STARD13: variants seen among roughly 807,000 people sequenced by gnomAD.
STARD13 encodes the protein StAR related lipid transfer domain containing 13, also known as stAR-related lipid transfer protein 13.
A neutral mutation model predicts 106.4 loss-of-function variants in STARD13; 62 were observed. The observed-to-expected ratio is 0.58, with a 90% CI of 0.48 to 0.72. The LOEUF (loss-of-function observed/expected upper bound fraction) is 0.72. Among genes scored for constraint, STARD13 ranks in the 30% least tolerant of loss-of-function variants. The probability of loss-of-function intolerance (pLI) is 0.00; values close to 1 mark genes in which losing one functional copy is unlikely to be tolerated. For missense variants in STARD13, 1,387 were observed against 1,424.0 expected (o/e 0.97, Z 0.42); for synonymous variants, 565 against 553.0 (o/e 1.02, Z -0.31).
chr13:33,112,926 A>G lies in STARD13; in HGVS notation c.2287T>C (p.Ser763Pro). 6.2e-7 allele frequency: 1 copy of G among 1,605,192 alleles called. No homozygotes were observed. Among genetic ancestry groups the G allele is most frequent in the Non-Finnish European group, 8.5e-7 (1 of 1,176,318 alleles). ...ETFLHIYQYV[S>P]KEQRLQAVQA... Reference sequence around the variant, plus strand: ...ACGGCCTGCAGCCGCTGCTCTTTGGAGACATCTGAGGAAAAGTGGATGCCA... The same window carrying G: ...ACGGCCTGCAGCCGCTGCTCTTTGGGGACATCTGAGGAAAAGTGGATGCCA... The change falls in exon 9 of 14, where the codon TCC becomes CCC. Residue 763 changes from serine to proline, a missense_variant. Ser to Pro is a moderately conservative substitution (Grantham distance 74). Transcript: ENST00000336934.
chr13:33,346,224 C>A (rs371588688), downstream of STARD13, among the ~76,000 whole-genome samples: 187 of 152,318 alleles, frequency 1.2e-3, 2 homozygotes, highest in African/African-American at 4.0e-3. Context: ...CCATCAGACC[C>A]AGTCAAGCCT....
intron 1 of STARD13, among the ~76,000 whole-genome samples, chr13:33,178,455 T>G (rs1884926625): frequency 6.6e-6 from 1 of 152,212 alleles, no homozygotes; most frequent in African/African-American, 2.4e-5. Flanking sequence ...GGTTGACATT[T>G]CTCATGTTAT....
the STARD13 span, among the ~76,000 whole-genome samples, chr13:33,538,049 C>A: frequency 2.0e-5 from 3 of 151,864 alleles, no homozygotes; most frequent in Non-Finnish European, 2.9e-5. Context: ...TGTTTAGAAA[C>A]AAAAAGTATT....
chr13:33,573,114 T>C, the STARD13 span, among the ~76,000 whole-genome samples: 3 of 152,106 alleles, frequency 2.0e-5, no homozygotes, highest in Non-Finnish European at 4.4e-5. Flanking sequence ...GTGATGTGGG[T>C]TCCTTCCCTA....
Position 33,141,238 on chromosome 13 carries a change from C to A in STARD13, c.387+1072G>T, listed in dbSNP as rs148763894. Among the ~76,000 whole-genome samples the A allele has an allele frequency of 1.1e-3, 170 of 152,282 alleles. 1 individual carries two copies. Among genetic ancestry groups the A allele is most frequent in the African/African-American group, 3.8e-3 (156 of 41,548 alleles). ...GGCTGTACAGCACTTTGGCTAGGAGCCTTGGTTTTGGAATCAGACACCTCC... is the reference window on the plus strand; with the variant it reads ...GGCTGTACAGCACTTTGGCTAGGAGACTTGGTTTTGGAATCAGACACCTCC... On this transcript the variant is annotated intron_variant, in intron 4 of 13. Coordinates refer to ENST00000336934, the MANE Select transcript of STARD13 (RefSeq NM_178006.4).
At chr13:33,626,201 T>C in the STARD13 span, among the ~76,000 whole-genome samples, 1 of 152,122 alleles carries the variant, frequency 6.6e-6, no homozygotes, top group East Asian at 1.9e-4. Flanking sequence ...CTGTGACCCC[T>C]TCAAAGACAG....
intron 3 of STARD13, among the ~76,000 whole-genome samples, chr13:33,154,335 T>C (rs1052703298): frequency 2.6e-5 from 4 of 152,190 alleles, no homozygotes; most frequent in African/African-American, 9.7e-5. Context: ...CTGACCTCTG[T>C]TCCAGTCCAT....
chr13:33,618,927 T>C, the STARD13 span, among the ~76,000 whole-genome samples: 4 of 152,050 alleles, frequency 2.6e-5, no homozygotes, highest in Admixed American at 1.3e-4. Flanking sequence ...ACCATAAGAA[T>C]CTGTGTGTGT....
intron 1 of STARD13, among the ~76,000 whole-genome samples, chr13:33,188,639 G>T (rs982730791): frequency 6.6e-6 from 1 of 152,164 alleles, no homozygotes; most frequent in Non-Finnish European, 1.5e-5. Flanking sequence ...TTTTGAAGAG[G>T]ATTCAATTTT....
chr13:33,175,082 CCAGT>C (rs1165604310), intron 1 of STARD13, among the ~76,000 whole-genome samples: 3 of 152,140 alleles, frequency 2.0e-5, no homozygotes, highest in Admixed American at 1.3e-4. Context: ...TCCCCAAACC[CCAGT>C]CAATCTGAGA....
chr13:33,509,338 G>A, the STARD13 span, among the ~76,000 whole-genome samples: 1 of 152,126 alleles, frequency 6.6e-6, no homozygotes, highest in African/African-American at 2.4e-5. Flanking sequence ...ATAACCATTG[G>A]CCTTTAGGAT....
chr13:33,673,693 C>A, the STARD13 span, among the ~76,000 whole-genome samples: 1 of 151,554 alleles, frequency 6.6e-6, no homozygotes, highest in Non-Finnish European at 1.5e-5. Flanking sequence ...CAGGCACACA[C>A]CACCACACCC....
chr13:33,253,576 G>T (rs1012232004), intron 1 of STARD13, among the ~76,000 whole-genome samples: 19 of 152,204 alleles, frequency 1.2e-4, no homozygotes, highest in African/African-American at 4.6e-4. Context: ...ACTGCTGGGT[G>T]AGGGGGACCT....
the STARD13 span, among the ~76,000 whole-genome samples, chr13:33,400,202 C>T: frequency 2.0e-5 from 3 of 152,096 alleles, no homozygotes; most frequent in South Asian, 2.1e-4. Flanking sequence ...TTATGGGTTC[C>T]GTATATAAGT....
the STARD13 span, among the ~76,000 whole-genome samples, chr13:33,457,818 C>T: frequency 1.3e-5 from 2 of 152,128 alleles, no homozygotes; most frequent in African/African-American, 4.8e-5. Flanking sequence ...TCCTAAAGCC[C>T]CCACCTCCTA....
intron 1 of STARD13, among the ~76,000 whole-genome samples, chr13:33,306,892 G>A (rs1566129968): frequency 6.6e-6 from 1 of 152,044 alleles, no homozygotes. Flanking sequence ...GGAGGTTGTA[G>A]TGCGCCAAGA....
chr13:33,328,214 A>G (rs1027298572), intron 1 of STARD13, among the ~76,000 whole-genome samples: 1 of 152,218 alleles, frequency 6.6e-6, no homozygotes. Flanking sequence ...AGGCTGTGAT[A>G]TGAAGTAGTT....
chr13:33,507,633 G>A, the STARD13 span, among the ~76,000 whole-genome samples: 1 of 152,092 alleles, frequency 6.6e-6, no homozygotes, highest in Admixed American at 6.6e-5. Context: ...CCCCAACACT[G>A]TCAAAAATCC....
At chr13:33,655,615 T>A in the STARD13 span, among the ~76,000 whole-genome samples, 37 of 152,230 alleles carry the variant, frequency 2.4e-4, no homozygotes, top group Non-Finnish European at 1.0e-4. Context: ...CTATTTATGA[T>A]AATTTTTGTT....
Sources: gnomAD v4.1 joint callset for allele counts (sites outside exome capture counted in the v4.1 genomes callset) on GRCh38, gnomAD v4.1.1 for gene constraint, MANE v1.5 for transcripts, NCBI Gene and HGNC (gene_info 2026-07-23, HGNC 2026-07-21) for gene names.